YWHAE: variants seen among roughly 807,000 people sequenced by gnomAD.
The protein encoded by YWHAE is 14-3-3 protein epsilon.
Under a neutral mutation model 30.1 loss-of-function variants are expected in YWHAE, and 4 were observed. The ratio of observed to expected loss-of-function variants is 0.13; its 90% CI spans 0.07 to 0.30. The LOEUF is 0.30. Among genes scored for constraint, YWHAE ranks in the 10% least tolerant of loss-of-function variants. The pLI is 1.00. For synonymous variants in YWHAE, 118 were observed against 111.8 expected (o/e 1.06, Z -0.35); for missense variants, 121 against 315.9 (o/e 0.38, Z 4.68).
chr17:1,394,938 C>T (rs1243344759), intron 1 of YWHAE, among the ~76,000 whole-genome samples: 1 of 152,024 alleles, frequency 6.6e-6, no homozygotes, highest in Non-Finnish European at 1.5e-5. Flanking sequence ...CTACACTCCA[C>T]CCTAGGTGAC....
At chr17:1,350,769 A>AT (rs1485371212) in intron 5 of YWHAE, among the ~76,000 whole-genome samples, 10 of 127,166 alleles carry the variant, frequency 7.9e-5, no homozygotes, top group African/African-American at 4.0e-4. Context: ...AATAATAATA[A>AT]AAAAAAATGG....
intron 1 of YWHAE, among the ~76,000 whole-genome samples, chr17:1,373,964 A>C (rs1478845428): frequency 1.3e-5 from 2 of 152,080 alleles, no homozygotes; most frequent in Non-Finnish European, 2.9e-5. Context: ...CTCAAGTTTC[A>C]TGCCTAGTGT....
chr17:1,394,078 AGGTCTTTTGAGTG>A (rs1431701470), intron 1 of YWHAE, among the ~76,000 whole-genome samples: 1 of 152,102 alleles, frequency 6.6e-6, no homozygotes, highest in African/African-American at 2.4e-5. Context: ...TACTTCACAG[AGGTCTTTTGAGTG>A]GCTGAGAGTA....
chr17:1,365,298 C>G (rs955437920), intron 1 of YWHAE, among the ~76,000 whole-genome samples: 1 of 152,042 alleles, frequency 6.6e-6, no homozygotes, highest in Non-Finnish European at 1.5e-5. Flanking sequence ...CATATACTAT[C>G]TAATATAATT....
At chr17:1,389,838 A>C (rs2073362956) in intron 1 of YWHAE, among the ~76,000 whole-genome samples, 1 of 143,770 alleles carries the variant, frequency 7.0e-6, no homozygotes, top group South Asian at 2.2e-4. Flanking sequence ...CCAATTATTT[A>C]CATTTTCTTT....
intron 1 of YWHAE, among the ~76,000 whole-genome samples, chr17:1,378,865 T>C (rs1473098702): frequency 3.3e-5 from 5 of 151,622 alleles, no homozygotes; most frequent in Non-Finnish European, 7.4e-5. Flanking sequence ...GAGAATCGCT[T>C]GAACCTGGGA....
intron 5 of YWHAE, among the ~76,000 whole-genome samples, chr17:1,353,888 T>C (rs2072683397): frequency 6.6e-6 from 1 of 152,168 alleles, no homozygotes; most frequent in Non-Finnish European, 1.5e-5. Flanking sequence ...CATAAATACC[T>C]ACTGATACCA....
At chr17:1,374,901 G>T (rs1226025216) in intron 1 of YWHAE, among the ~76,000 whole-genome samples, 1 of 152,096 alleles carries the variant, frequency 6.6e-6, no homozygotes, top group Non-Finnish European at 1.5e-5. Context: ...CATTGAGTCA[G>T]GAGACACTTC....
intron 2 of YWHAE, 35 bp from the exon 3 acceptor site, chr17:1,362,043 A>T: frequency 7.7e-7 from 1 of 1,306,776 alleles, no homozygotes; most frequent in Non-Finnish European, 1.0e-6. Context: ...AATCAGATTA[A>T]GTCTAGAAAT....
rs752199076 is a variant in YWHAE, at chr17:1,400,132, G to A, written c.-22C>T. The A allele has an allele frequency of 4.3e-6, 7 of 1,613,990 alleles. No individual in the cohort carries two copies. Among genetic ancestry groups the A allele is most frequent in the Admixed American group, 3.3e-5 (2 of 60,024 alleles). On this transcript the variant is annotated 5_prime_UTR_variant, in exon 1 of 6. Coordinates refer to ENST00000264335, the MANE Select transcript of YWHAE (RefSeq NM_006761.5). ...CCATAGCGGCAGCGGCTCCGGCAGGGTCTGCGCGACGGATGGAAGCGGATA... is the reference window on the plus strand; with the variant it reads ...CCATAGCGGCAGCGGCTCCGGCAGGATCTGCGCGACGGATGGAAGCGGATA...
At chr17:1,384,838 G>C (rs997786649) in intron 1 of YWHAE, among the ~76,000 whole-genome samples, 9 of 152,024 alleles carry the variant, frequency 5.9e-5, no homozygotes, top group Admixed American at 5.9e-4. Context: ...CCTGGGAGTA[G>C]CTGGGATTAG....
At chr17:1,376,178 T>G (rs1398173393) in intron 1 of YWHAE, among the ~76,000 whole-genome samples, 1 of 152,334 alleles carries the variant, frequency 6.6e-6, no homozygotes, top group East Asian at 1.9e-4. Flanking sequence ...TTTATTTGAA[T>G]GCATCTGTAC....
chr17:1,352,713 G>T (rs1281991300), intron 5 of YWHAE, among the ~76,000 whole-genome samples: 1 of 152,076 alleles, frequency 6.6e-6, no homozygotes, highest in Non-Finnish European at 1.5e-5. Context: ...ACTTAGTAGG[G>T]ACGGGGTTTC....
chr17:1,346,879 T>C (rs1049030980), intron 5 of YWHAE, among the ~76,000 whole-genome samples: 4 of 150,124 alleles, frequency 2.7e-5, no homozygotes, highest in Admixed American at 2.7e-4. Context: ...TAATCCCAGC[T>C]ACCTGGGAAG....
At chr17:1,353,208 G>A (rs34754418) in intron 5 of YWHAE, among the ~76,000 whole-genome samples, 14,143 of 152,024 alleles carry the variant, frequency 0.093, 894 homozygotes, top group Non-Finnish European at 0.14. Context: ...GGAGGCCGAG[G>A]CGGGTGGATC....
chr17:1,353,711 C>T (rs1420914659), intron 5 of YWHAE, among the ~76,000 whole-genome samples: 2 of 151,326 alleles, frequency 1.3e-5, no homozygotes, highest in Non-Finnish European at 2.9e-5. Context: ...TTGCAGTAAG[C>T]CGAGATTGAG....
chr17:1,356,657 A>G (rs772992839), intron 4 of YWHAE, among the ~76,000 whole-genome samples: 6 of 152,166 alleles, frequency 3.9e-5, no homozygotes, highest in Non-Finnish European at 8.8e-5. Flanking sequence ...TCAACTAGCC[A>G]TTTAGAATGT....
chr17:1,373,231 G>A (rs545215683), intron 1 of YWHAE, among the ~76,000 whole-genome samples: 39 of 151,938 alleles, frequency 2.6e-4, no homozygotes, highest in African/African-American at 8.7e-4. Context: ...CAACAAGAGC[G>A]AAACTCAGTC....
intron 5 of YWHAE, among the ~76,000 whole-genome samples, chr17:1,351,423 A>G (rs2072629873): frequency 6.6e-6 from 1 of 151,940 alleles, no homozygotes; most frequent in African/African-American, 2.4e-5. Flanking sequence ...CTTTCAAGTC[A>G]GGTCACTTTC....
Sources: allele counts gnomAD v4.1 joint callset (sites outside exome capture counted in the v4.1 genomes callset), GRCh38; gene constraint gnomAD v4.1.1; transcripts MANE v1.5; gene names NCBI Gene and HGNC (gene_info 2026-07-23, HGNC 2026-07-21).